Variants in TACC2 observed in about 807,000 individuals in gnomAD.
TACC2 encodes transforming acidic coiled-coil-containing protein 2.
Under a neutral mutation model 227.3 loss-of-function variants are expected in TACC2, and 137 were observed. The observed-to-expected ratio is 0.60, with a 90% CI of 0.52 to 0.69. The LOEUF (loss-of-function observed/expected upper bound fraction) is 0.69, where lower values mean the gene tolerates loss of function less well. TACC2 is among the 30% of genes least tolerant of loss of function. The pLI is 0.00. For synonymous variants in TACC2, 1,523 were observed against 1,487.5 expected, an observed-to-expected ratio of 1.02 and a Z score of -0.55; for missense variants, 3,470 against 3,694.4, an observed-to-expected ratio of 0.94 and a Z score of 1.57.
Position 122,085,624 on chromosome 10 carries a change from G to A in TACC2, c.3124G>A (p.Glu1042Lys), listed in dbSNP as rs779288189. 2 of 1,613,384 alleles carry A rather than the reference G, an allele frequency of 1.2e-6. No homozygotes were observed. Among genetic ancestry groups the A allele is most frequent in the East Asian group, 2.2e-5 (1 of 44,870 alleles). ...KREMASGNTG[E>K]APPCQPDSVA... ...GGAGATGGCAAGTGGAAACACAGGG[G>A]AGGCCCCACCTTGTCAGCCTGACTC... is the stretch of plus-strand genomic sequence containing the variant. The change falls in exon 4 of 23, where the codon GAG becomes AAG. Residue 1042 changes from glutamate to lysine, a missense_variant. By Grantham distance (56) the Glu-to-Lys change is moderately conservative. This residue lies in a region of TACC2 where 1,924 missense variants were observed against 1,978.3 expected (regional missense o/e 0.97). Coordinates refer to ENST00000369005, the MANE Select transcript of TACC2 (RefSeq NM_206862.4).
chr10:122,123,669 A>T (rs949810404), intron 5 of TACC2, among the ~76,000 whole-genome samples: 1 of 152,172 alleles, frequency 6.6e-6, no homozygotes, highest in Non-Finnish European at 1.5e-5. Flanking sequence ...GACTTATGAC[A>T]GCCTTTGCTT....
chr10:122,169,655 TTCTCTC>T (rs762448573), intron 7 of TACC2, among the ~76,000 whole-genome samples: 2 of 152,172 alleles, frequency 1.3e-5, no homozygotes, highest in African/African-American at 4.8e-5. Context: ...TTGTTTTCTG[TTCTCTC>T]TCTCTAAGAC....
chr10:122,103,750 G>GAGCT (rs1565310639), intron 5 of TACC2, among the ~76,000 whole-genome samples: 1 of 151,952 alleles, frequency 6.6e-6, no homozygotes, highest in East Asian at 2.0e-4. Context: ...CTGAGCTGTA[G>GAGCT]AGCTGAGGGA....
rs533999780 is a variant in TACC2, at chr10:122,108,881, G to A, written c.5573+20290G>A. Among the ~76,000 whole-genome samples, 312 of 152,030 alleles carry A rather than the reference G, an allele frequency of 2.1e-3. 1 individual carries two copies. Among genetic ancestry groups the A allele is most frequent in the African/African-American group, 7.1e-3 (293 of 41,444 alleles). On this transcript the variant is annotated intron_variant, in intron 5 of 22. Coordinates refer to ENST00000369005, the MANE Select transcript of TACC2 (RefSeq NM_206862.4). ...CCCGAGTAGCTGCGATTATAGGCAC[G>A]CGCCACCACGCCTGGCTAATTTTTT...
At chr10:122,175,847 G>T (rs910467257) in intron 7 of TACC2, among the ~76,000 whole-genome samples, 3 of 152,184 alleles carry the variant, frequency 2.0e-5, no homozygotes, top group Admixed American at 2.0e-4. Context: ...CAGGTGGATT[G>T]CTTGAGCTCA....
At chr10:122,048,732 C>T (rs1027319472) in intron 2 of TACC2, among the ~76,000 whole-genome samples, 22 of 152,142 alleles carry the variant, frequency 1.4e-4, no homozygotes, top group Admixed American at 1.4e-3. Flanking sequence ...AGAGTGCCAC[C>T]TTCTGATTTT....
chr10:122,033,422 T>A (rs79368326), intron 2 of TACC2, among the ~76,000 whole-genome samples: 1 of 152,172 alleles, frequency 6.6e-6, no homozygotes, highest in Non-Finnish European at 1.5e-5. Flanking sequence ...ATAAGGCTTA[T>A]GTTGCCAGCA....
At chr10:122,027,759 T>C (rs1958229012) in intron 2 of TACC2, among the ~76,000 whole-genome samples, 1 of 152,012 alleles carries the variant, frequency 6.6e-6, no homozygotes, top group Admixed American at 6.6e-5. Context: ...TTTTTTTTTT[T>C]TTTTGACAGA....
chr10:122,206,875 C>T (rs2095127887), intron 8 of TACC2, among the ~76,000 whole-genome samples: 1 of 152,178 alleles, frequency 6.6e-6, no homozygotes, highest in Non-Finnish European at 1.5e-5. Flanking sequence ...GTCCTCGGCA[C>T]ACCCCCCAGT....
intron 18 of TACC2, among the ~76,000 whole-genome samples, chr10:122,238,875 C>T (rs893587993): frequency 7.2e-5 from 11 of 152,184 alleles, no homozygotes; most frequent in African/African-American, 2.4e-4. Flanking sequence ...TAAACAGTCT[C>T]TGTGGACAAA....
At chr10:122,063,273 C>G (rs1173210400) in intron 3 of TACC2, among the ~76,000 whole-genome samples, 1 of 152,240 alleles carries the variant, frequency 6.6e-6, no homozygotes, top group African/African-American at 2.4e-5. Flanking sequence ...TCTGTTCCTT[C>G]CAAACTTGGG....
rs149746402 is a variant in TACC2 at position 122,185,218 on chromosome 10, T to A, written c.5835-9822T>A. Among the ~76,000 whole-genome samples, 382 of 149,268 alleles carry A rather than the reference T, an allele frequency of 2.6e-3. 3 individuals carry two copies. Among genetic ancestry groups the A allele is most frequent in the African/African-American group, 9.2e-3 (373 of 40,542 alleles). ...TTTTTTTTTGAGATGGAGTTTTGAG[T>A]TTTGCTCTTGTTGTCCAGGCTAGAG... On this transcript the variant is annotated intron_variant, in intron 7 of 22. Transcript: ENST00000369005.
chr10:122,218,740 A>G (rs758258797), intron 11 of TACC2, among the ~76,000 whole-genome samples: 7 of 152,060 alleles, frequency 4.6e-5, no homozygotes, highest in Non-Finnish European at 8.8e-5. Flanking sequence ...TTGGCCAGGC[A>G]CAGTGGCACA....
At chr10:122,089,573 G>C (rs141338895) in intron 5 of TACC2, among the ~76,000 whole-genome samples, 2 of 152,172 alleles carry the variant, frequency 1.3e-5, no homozygotes, top group Admixed American at 6.5e-5. Context: ...TATTGTGCAC[G>C]TACACAGACA....
rs768595912 is a variant in TACC2, at chr10:122,083,301, G to C, written c.801G>C (p.Glu267Asp). ...GCACAGAAAGCTCAGCGGTCTTGGA[G>C]AAGTCCCCCCTAAAACCCATGGCCC... ...QQGTESSAVL[E>D]KSPLKPMAPI... Residue 267 changes from glutamate (E) to aspartate (D), a missense_variant, in exon 4 of 23, where the codon GAG (glutamate) becomes GAC (aspartate). Physicochemically the swap from Glu to Asp is conservative, Grantham distance 45. Around this residue, in one of 10 missense-constraint regions of TACC2, gnomAD observed 405 missense variants for 389.6 expected, o/e 1.04. Transcript: ENST00000369005. 1.2e-6 allele frequency: 2 copies of C among 1,613,988 alleles called. No homozygotes were observed. Among genetic ancestry groups the C allele is most frequent in the Admixed American group, 3.3e-5 (2 of 60,014 alleles).
chr10:122,009,795 G>A (rs1158915778), intron 1 of TACC2, among the ~76,000 whole-genome samples: 1 of 151,898 alleles, frequency 6.6e-6, no homozygotes, highest in African/African-American at 2.4e-5. Context: ...GCATGGGGGT[G>A]CGCGCCTGTA....
At chr10:122,002,485 C>A (rs1354098266) in intron 1 of TACC2, among the ~76,000 whole-genome samples, 1 of 151,976 alleles carries the variant, frequency 6.6e-6, no homozygotes, top group Non-Finnish European at 1.5e-5. Context: ...CAGTGTCATT[C>A]TTCATAAAAG....
At chr10:122,039,903 T>G (rs1260202005) in intron 2 of TACC2, among the ~76,000 whole-genome samples, 1 of 152,110 alleles carries the variant, frequency 6.6e-6, no homozygotes, top group Non-Finnish European at 1.5e-5. Flanking sequence ...AGAGGAAAAT[T>G]CCCACACTCA....
At chr10:122,036,635 G>A (rs896337743) in intron 2 of TACC2, among the ~76,000 whole-genome samples, 1 of 152,006 alleles carries the variant, frequency 6.6e-6, no homozygotes, top group African/African-American at 2.4e-5. Flanking sequence ...CGAGTAGCTG[G>A]GATTACAGGC....
Sources: allele counts gnomAD v4.1 joint callset (sites outside exome capture counted in the v4.1 genomes callset), GRCh38; gene constraint gnomAD v4.1.1; regional missense constraint gnomAD v4.1.1; transcripts MANE v1.5; gene names NCBI Gene and HGNC (gene_info 2026-07-23, HGNC 2026-07-21).